ENTPD1: variants seen among roughly 807,000 people sequenced by gnomAD.
ENTPD1 encodes ATP diphosphohydrolase.
ENTPD1 carries 33 observed loss-of-function variants against 57.0 expected under a neutral mutation model. The ratio of observed to expected loss-of-function variants is 0.58; its 90% CI spans 0.44 to 0.77. The LOEUF (loss-of-function observed/expected upper bound fraction) is 0.77. Ranked by LOEUF, ENTPD1 falls within the 30% of genes least tolerant of loss-of-function variation. The probability of loss-of-function intolerance (pLI) is 0.00; values close to 1 mark genes in which losing one functional copy is unlikely to be tolerated. For synonymous variants in ENTPD1, 202 were observed against 218.8 expected (o/e 0.92, Z 0.68); for missense variants, 501 against 603.4 (o/e 0.83, Z 1.78).
intron 3 of ENTPD1, among the ~76,000 whole-genome samples, chr10:95,840,997 T>A (rs1161911812): frequency 2.0e-5 from 3 of 152,200 alleles, no homozygotes; most frequent in African/African-American, 7.2e-5. Flanking sequence ...ATACTGACAC[T>A]TTGGCCCCAT....
intron 6 of ENTPD1, among the ~76,000 whole-genome samples, chr10:95,846,641 C>T (rs937120533): frequency 6.6e-6 from 1 of 152,172 alleles, no homozygotes; most frequent in Non-Finnish European, 1.5e-5. Context: ...CTCCACTAAC[C>T]TTCTTATCCA....
chr10:95,740,551 C>G (rs1261975080), intron 1 of ENTPD1, among the ~76,000 whole-genome samples: 3 of 152,184 alleles, frequency 2.0e-5, no homozygotes. Context: ...AGATTTGAAG[C>G]CAGGTATTGA....
Position 95,867,155 on chromosome 10 carries a change from C to T in ENTPD1, c.*772C>T, listed in dbSNP as rs372342659. 54 of 985,292 alleles carry T rather than the reference C, an allele frequency of 5.5e-5. No homozygotes were observed. In the African/African-American group the frequency reaches 8.9e-4, roughly 16 times the overall value. 61.0% of individuals were successfully genotyped at this position (985,292 alleles called of 1,614,324 possible). The stretch of plus-strand genomic sequence containing the variant: ...TATATACATGTCACAAATAAAAATA[C>T]AGTTACAACTCAGGGTCACAAAAAA... On this transcript the variant is annotated 3_prime_UTR_variant, in exon 10 of 10. Coordinates refer to ENST00000371205, the MANE Select transcript of ENTPD1 (RefSeq NM_001776.6).
chr10:95,757,185 C>T (rs928881381), intron 1 of ENTPD1, among the ~76,000 whole-genome samples: 8 of 152,220 alleles, frequency 5.3e-5, no homozygotes, highest in Non-Finnish European at 8.8e-5. Context: ...CAACATATTT[C>T]TTAATACTTA....
At chr10:95,847,030 G>A (rs2098437106) in intron 6 of ENTPD1, among the ~76,000 whole-genome samples, 1 of 151,974 alleles carries the variant, frequency 6.6e-6, no homozygotes, top group Non-Finnish European at 1.5e-5. Context: ...AATGCTTGAA[G>A]AAGAAAAAAA....
In ENTPD1 at chr10:95,860,512, C is replaced by A; in HGVS notation, c.1118C>A (p.Thr373Lys). 2 of 1,613,952 alleles carry A rather than the reference C, an allele frequency of 1.2e-6. No individual in the cohort carries two copies. Among genetic ancestry groups the A allele is most frequent in the Non-Finnish European group, 1.7e-6 (2 of 1,179,872 alleles). Residue 373 changes from threonine (T) to lysine (K), a missense_variant, in exon 8 of 10, where the codon ACA becomes AAA. Physicochemically the swap from Thr to Lys is moderately conservative, Grantham distance 78. Coordinates refer to ENST00000371205, the MANE Select transcript of ENTPD1 (RefSeq NM_001776.6). The stretch of plus-strand genomic sequence containing the variant: ...TTTGTGATGAAGTTTTTAAACTTGA[C>A]ATCAGAGAAAGTCTCTCAGGAAAAG... The part of the protein sequence containing the change: ...FYFVMKFLNL[T>K]SEKVSQEKVT...
chr10:95,735,814 C>G (rs35987262), intron 1 of ENTPD1, among the ~76,000 whole-genome samples: 13,158 of 151,778 alleles, frequency 0.087, 703 homozygotes, highest in Middle Eastern at 0.16. Flanking sequence ...CCAGGCTGGT[C>G]TCTAACTCCT....
At chr10:95,779,011 A>G (rs2098145469) in intron 1 of ENTPD1, among the ~76,000 whole-genome samples, 1 of 152,184 alleles carries the variant, frequency 6.6e-6, no homozygotes, top group Non-Finnish European at 1.5e-5. Context: ...CAGACCAGCC[A>G]AATCCACAGT....
At chr10:95,834,283 A>C (rs937137667) in intron 2 of ENTPD1, among the ~76,000 whole-genome samples, 2 of 152,226 alleles carry the variant, frequency 1.3e-5, no homozygotes, top group Non-Finnish European at 2.9e-5. Context: ...CATGTAGCTT[A>C]CAATCTAATA....
intron 1 of ENTPD1, among the ~76,000 whole-genome samples, chr10:95,796,319 G>T (rs1364761888): frequency 1.3e-5 from 2 of 152,108 alleles, no homozygotes; most frequent in East Asian, 3.9e-4. Flanking sequence ...GCAAAGGAGG[G>T]TATTTCGTCC....
intron 8 of ENTPD1, among the ~76,000 whole-genome samples, chr10:95,863,459 A>G (rs1254639186): frequency 4.6e-5 from 7 of 152,234 alleles, no homozygotes; most frequent in Non-Finnish European, 1.0e-4. Flanking sequence ...TGGACAGGCA[A>G]TGCCAACTGA....
At chr10:95,699,125 T>C in the ENTPD1 span, among the ~76,000 whole-genome samples, 2 of 151,942 alleles carry the variant, frequency 1.3e-5, no homozygotes, top group Non-Finnish European at 2.9e-5. Context: ...CAGTGAGCCA[T>C]GATCACACCA....
At chr10:95,832,810 G>T (rs1460798358) in intron 2 of ENTPD1, among the ~76,000 whole-genome samples, 2 of 152,164 alleles carry the variant, frequency 1.3e-5, no homozygotes, top group African/African-American at 2.4e-5. Flanking sequence ...TACCTACTTA[G>T]AATATGGTTG....
At chr10:95,832,771 C>T (rs1285243124) in intron 2 of ENTPD1, among the ~76,000 whole-genome samples, 3 of 152,108 alleles carry the variant, frequency 2.0e-5, no homozygotes, top group Non-Finnish European at 4.4e-5. Flanking sequence ...CTATGCCTCC[C>T]CTTATATGTA....
chr10:95,806,448 G>A (rs537645422), intron 1 of ENTPD1, among the ~76,000 whole-genome samples: 1 of 152,278 alleles, frequency 6.6e-6, no homozygotes, highest in South Asian at 2.1e-4. Context: ...CTTTAGTTCA[G>A]AGAAGTTTGT....
At chr10:95,800,136 ATT>A (rs2140327787) in intron 1 of ENTPD1, among the ~76,000 whole-genome samples, 1 of 152,272 alleles carries the variant, frequency 6.6e-6, no homozygotes, top group Non-Finnish European at 1.5e-5. Flanking sequence ...AGCCCCCAAT[ATT>A]TCAACATACG....
chr10:95,711,073 C>T (rs925109488), upstream of ENTPD1, among the ~76,000 whole-genome samples: 4 of 152,098 alleles, frequency 2.6e-5, no homozygotes, highest in Admixed American at 6.6e-5. Context: ...CATTCTCCCC[C>T]GAGAAATGGA....
chr10:95,711,932 C>A, exon 1 of ENTPD1: 1 of 1,612,660 alleles, frequency 6.2e-7, no homozygotes, highest in Non-Finnish European at 8.5e-7. Context: ...GATACCAAAG[C>A]TGCTCTGTTC....
At chr10:95,819,818 T>C (rs1297274491) in intron 1 of ENTPD1, among the ~76,000 whole-genome samples, 4 of 152,236 alleles carry the variant, frequency 2.6e-5, no homozygotes, top group Admixed American at 1.3e-4. Flanking sequence ...GGGAAAACAA[T>C]GACAACACTT....
Sources: gnomAD v4.1 joint callset for allele counts (sites outside exome capture counted in the v4.1 genomes callset) on GRCh38, gnomAD v4.1.1 for gene constraint, MANE v1.5 for transcripts, NCBI Gene and HGNC (gene_info 2026-07-23, HGNC 2026-07-21) for gene names.